Variants in CTSZ observed in about 807,000 individuals in gnomAD.
CTSZ encodes the protein carboxypeptidase LB.
In CTSZ, 39 loss-of-function variants were observed where a neutral mutation model predicts 32.4. The observed-to-expected ratio is 1.20, with a 90% CI of 0.93 to 1.57. The LOEUF is 1.57. Ranked by LOEUF, CTSZ falls within the 40% of genes most tolerant of loss-of-function variation. The pLI is 0.00. For synonymous variants in CTSZ, 168 were observed against 170.1 expected (o/e 0.99, Z 0.10); for missense variants, 397 against 419.6 (o/e 0.95, Z 0.47).
intron 2 of CTSZ, among the ~76,000 whole-genome samples, chr20:59,005,735 G>A (rs2091906333): frequency 6.6e-6 from 1 of 152,168 alleles, no homozygotes; most frequent in African/African-American, 2.4e-5. Flanking sequence ...GGGCTGGTTT[G>A]CAGCTGTCCC....
In CTSZ at chr20:58,998,404, T is replaced by C. The variant is rs111726183; in HGVS notation, c.488-651A>G. Among the ~76,000 whole-genome samples the C allele has an allele frequency of 6.0e-3, 887 of 148,328 alleles. 10 individuals carry two copies. Among genetic ancestry groups the C allele is most frequent in the African/African-American group, 0.021 (853 of 40,032 alleles). ...TAATAAAGTACAAAAATTAGCTGGG[T>C]GTGGTGGTGGATGCCTGTAATCCCA... On this transcript the variant is annotated intron_variant, in intron 3 of 5. Coordinates refer to ENST00000217131, the MANE Select transcript of CTSZ (RefSeq NM_001336.4).
chr20:58,996,593 G>C (rs745499417), intron 5 of CTSZ, 46 bp downstream of exon 5: 4 of 1,596,282 alleles, frequency 2.5e-6, no homozygotes, highest in Non-Finnish European at 3.4e-6. Context: ...GGAGTACCAG[G>C]ACGTTTTTTT....
rs766010097 is a variant in CTSZ at position 58,996,789 on chromosome 20, C to A, written c.651G>T (p.Met217Ile). Residue 217 changes from methionine to isoleucine, a missense_variant, in exon 5 of 6, where the codon ATG becomes ATT. Transcript: ENST00000217131. The stretch of plus-strand genomic sequence containing the variant: ...TGTAGTTAGCCAGTCTTTCTGTTGC[C>A]ATTATTCCACAGCTGAGAGCAAGCA... ...YANGPISCGIMATERLANYTG... is the reference protein window; with the variant it reads ...YANGPISCGIIATERLANYTG... The A allele has an allele frequency of 6.2e-7, 1 of 1,613,904 alleles. No individual in the cohort carries two copies. Among genetic ancestry groups the A allele is most frequent in the African/African-American group, 1.3e-5 (1 of 74,912 alleles).
chr20:58,999,235 C>T (rs1274233693), intron 3 of CTSZ, among the ~76,000 whole-genome samples: 1 of 152,076 alleles, frequency 6.6e-6, no homozygotes, highest in Non-Finnish European at 1.5e-5. Context: ...AGGGTTTTAC[C>T]ATGTTGGCCA....
intron 3 of CTSZ, among the ~76,000 whole-genome samples, chr20:58,998,675 G>C (rs772398999): frequency 2.0e-5 from 3 of 152,120 alleles, no homozygotes; most frequent in Non-Finnish European, 4.4e-5. Flanking sequence ...CTGGACAACA[G>C]AGCGAGACCT....
chr20:59,002,641 G>T lies in CTSZ; in HGVS notation c.308-997C>A, dbSNP rs895577025. Among the ~76,000 whole-genome samples, 1 of 151,896 alleles carries T rather than the reference G, an allele frequency of 6.6e-6. No individual in the cohort carries two copies. Among genetic ancestry groups the T allele is most frequent in the Non-Finnish European group, 1.5e-5 (1 of 67,978 alleles). On this transcript the variant is annotated intron_variant, in intron 2 of 5. Coordinates refer to ENST00000217131, the MANE Select transcript of CTSZ (RefSeq NM_001336.4). This position sits in a 1 kb window ranked among gnomAD's most constrained non-coding sequence, Gnocchi z 4.1. ...GGCCTCCTCCCGGTCGCCCAGCCAG[G>T]GGCCTTCTGGAACTGTCCCTGCTCT...
intron 5 of CTSZ, among the ~76,000 whole-genome samples, chr20:58,996,354 T>C (rs1489468000): frequency 6.6e-6 from 1 of 152,168 alleles, no homozygotes; most frequent in African/African-American, 2.4e-5. Flanking sequence ...CCAGGCACCA[T>C]CTGGAGACGG....
rs1354770908 is a variant in CTSZ at position 59,006,346 on chromosome 20, G to A, written c.283C>T (p.His95Tyr). The stretch of plus-strand genomic sequence containing the variant: ...CCCGCCATAGCGCTGGTGCTGGCGT[G>A]GGCCCAGCAGGAGCCGCAGTATTGG... Reference protein sequence around the residue: ...IPQYCGSCWAHASTSAMADRI... With the variant: ...IPQYCGSCWAYASTSAMADRI... Residue 95 changes from histidine to tyrosine, a missense_variant, in exon 2 of 6, where the codon CAC becomes TAC. His to Tyr is a moderately conservative substitution (Grantham distance 83). Coordinates refer to ENST00000217131, the MANE Select transcript of CTSZ (RefSeq NM_001336.4). 2 of 1,612,726 alleles carry A rather than the reference G, an allele frequency of 1.2e-6. No homozygotes were observed. Among genetic ancestry groups the A allele is most frequent in the South Asian group, 2.2e-5 (2 of 90,962 alleles).
At position 58,995,744 on chromosome 20, in the gene CTSZ, G is replaced by T; in HGVS notation, c.817C>A (p.Leu273Met). 6.2e-7 allele frequency: 1 copy of T among 1,613,518 alleles called. No homozygotes were observed. The highest frequency in any genetic ancestry group is 8.5e-7 in the Non-Finnish European group (1 of 1,179,908). The change falls in exon 6 of 6, where the codon CTG becomes ATG. Residue 273 changes from leucine to methionine, a missense_variant. Leu to Met is a conservative substitution (Grantham distance 15, BLOSUM62 2). Transcript: ENST00000217131. ...TTATAGGTGCTGGTCACGATCCTCA[G>T]CCAGCCTCTCTCGCCCTGTGAGAAG... ...WGEPWGERGW[L>M]RIVTSTYKDG... is the part of the protein sequence containing the mutation.
rs1480887828 is a variant in CTSZ at position 59,002,262 on chromosome 20, G to A, written c.308-618C>T. 6.6e-6 allele frequency among the ~76,000 whole-genome samples: 1 copy of A among 152,192 alleles called. No individual in the cohort carries two copies. Among genetic ancestry groups the A allele is most frequent in the African/African-American group, 2.4e-5 (1 of 41,442 alleles). Reference sequence around the variant, plus strand: ...GTGGCTGGGCTCTAAATCCCAAGGTGCAGCCAGGGACAGCTCAGGGTGGTC... The same window carrying A: ...GTGGCTGGGCTCTAAATCCCAAGGTACAGCCAGGGACAGCTCAGGGTGGTC... On this transcript the variant is annotated intron_variant, in intron 2 of 5. Transcript: ENST00000217131. This position sits in a 1 kb window ranked among gnomAD's most constrained non-coding sequence, Gnocchi z 4.1.
At chr20:58,996,169 T>C (rs1228994674) in intron 5 of CTSZ, among the ~76,000 whole-genome samples, 1 of 152,238 alleles carries the variant, frequency 6.6e-6, no homozygotes, top group Non-Finnish European at 1.5e-5. Flanking sequence ...AGACTAGGTC[T>C]GGCAGTTAAT....
chr20:59,001,417 G>T (rs2295358), intron 3 of CTSZ, 48 bp downstream of exon 3: 1 of 1,559,402 alleles, frequency 6.4e-7, no homozygotes, highest in East Asian at 2.3e-5. Context: ...CTGTGGAAGA[G>T]GGAGTGGAGG....
At chr20:59,006,004 G>A (rs572183042) in intron 2 of CTSZ, 1 of 394,402 alleles carries the variant, frequency 2.5e-6, no homozygotes, top group Non-Finnish European at 4.7e-6. Context: ...ATACAGCCTG[G>A]GGACTCAGTG....
chr20:58,998,252 T>C (rs1316192777), intron 3 of CTSZ, among the ~76,000 whole-genome samples: 3 of 149,686 alleles, frequency 2.0e-5, no homozygotes, highest in African/African-American at 7.3e-5. Flanking sequence ...GAATTAGGCT[T>C]AAAAAATAAA....
rs2091867489 is a variant in CTSZ at position 58,997,580 on chromosome 20, TTGCCCGCGGG to T, written c.638+13_638+22del. On this transcript the variant is annotated intron_variant, in intron 4 of 5. Coordinates refer to ENST00000217131, the MANE Select transcript of CTSZ (RefSeq NM_001336.4). ...CCTTTCCTCACCCGCAAACCTCTCT[TTGCCCGCGGG>T]ACCTCTCCTCACCTGATGGGACCAT... 1 of 1,522,596 alleles carries T rather than the reference TTGCCCGCGGG, an allele frequency of 6.6e-7. No individual in the cohort carries two copies. Among genetic ancestry groups the T allele is most frequent in the Non-Finnish European group, 8.9e-7 (1 of 1,129,920 alleles). The allele number at this position is 1,522,596 out of a possible 1,614,324, so 94.3% of individuals were successfully genotyped here.
rs946519766 is a variant in CTSZ at position 58,995,488 on chromosome 20, A to G, written c.*161T>C. 4 of 603,572 alleles carry G rather than the reference A, an allele frequency of 6.6e-6. No individual in the cohort carries two copies. Among genetic ancestry groups the G allele is most frequent in the Admixed American group, 5.9e-5 (2 of 33,720 alleles). The allele number at this position is 603,572 out of a possible 1,614,324, so 37.4% of individuals were successfully genotyped here. ...AGTGTCATAAGTCATCCCACTTTCA[A>G]CTCTCAGGAACACTCGCAGCCAGTG... On this transcript the variant is annotated 3_prime_UTR_variant, in exon 6 of 6. Coordinates refer to ENST00000217131, the MANE Select transcript of CTSZ (RefSeq NM_001336.4).
Position 58,997,760 on chromosome 20 carries a change from G to T in CTSZ, c.488-7C>A. On this transcript the variant is annotated splice_region_variant and splice_polypyrimidine_tract_variant and intron_variant, in intron 3 of 5. Transcript: ENST00000217131. ...TGGTTAAACTTGTCACACTCTGGGG[G>T]AGAGCAAGAAAAGTCAGCATGAGGC... The T allele has an allele frequency of 6.3e-7, 1 of 1,590,234 alleles. No homozygotes were observed. Among genetic ancestry groups the T allele is most frequent in the Non-Finnish European group, 8.6e-7 (1 of 1,168,894 alleles).
chr20:58,997,701 G>A lies in CTSZ; in HGVS notation c.540C>T (p.His180=), dbSNP rs149925901. 33 of 1,609,012 alleles carry A rather than the reference G, an allele frequency of 2.1e-5. No homozygotes were observed. The highest frequency in any genetic ancestry group is 1.8e-4 in the East Asian group (8 of 44,628). The change falls in exon 4 of 6, where the codon CAC becomes CAT. Residue 180 remains histidine (H), a synonymous_variant. Coordinates refer to ENST00000217131, the MANE Select transcript of CTSZ (RefSeq NM_001336.4). ...TCCAGAGGGTGTAGTTCCGGATGGCGTGGCACTCTTTGAATTCATTGCATG... is the reference window on the plus strand; with the variant it reads ...TCCAGAGGGTGTAGTTCCGGATGGCATGGCACTCTTTGAATTCATTGCATG... ...CGTCNEFKEC[H]AIRNYTLWRV...
chr20:59,006,987 T>G lies in CTSZ; in HGVS notation c.142A>C (p.Ser48Arg). Reference sequence around the variant, plus strand: ...GGCTGCCTCCCCGCCGGTGCCCACCTGCGCCCCAGCGGAGCCAGCCCGTCC... The same window carrying G: ...GGCTGCCTCCCCGCCGGTGCCCACCGGCGCCCCAGCGGAGCCAGCCCGTCC... ...RGDGLAPLGR[S>R]TYPRPHEYLS... Residue 48 changes from serine to arginine, a missense_variant and splice_region_variant, in exon 1 of 6, where the codon AGC (serine) becomes CGC (arginine). Ser to Arg is a moderately radical substitution (Grantham distance 110). Transcript: ENST00000217131. The G allele has an allele frequency of 6.9e-7, 1 of 1,452,746 alleles. No individual in the cohort carries two copies. Among genetic ancestry groups the G allele is most frequent in the Non-Finnish European group, 9.0e-7 (1 of 1,110,020 alleles). 90.0% of individuals were successfully genotyped at this position (1,452,746 alleles called of 1,614,324 possible). A position where few individuals can be genotyped will look rare whatever the true frequency, so the allele number is the denominator to read the frequency against.
Sources: gnomAD v4.1 joint callset for allele counts (sites outside exome capture counted in the v4.1 genomes callset) on GRCh38, gnomAD v4.1.1 for gene constraint, Gnocchi (gnomAD v3.1) non-coding constraint, MANE v1.5 for transcripts, NCBI Gene and HGNC (gene_info 2026-07-23, HGNC 2026-07-21) for gene names.